RIC3: variants seen among roughly 807,000 people sequenced by gnomAD.
The protein encoded by RIC3 is RIC3 acetylcholine receptor chaperone.
RIC3 carries 28 observed loss-of-function variants against 27.3 expected under a neutral mutation model. That is an observed-to-expected ratio of 1.02 (90% CI 0.76 to 1.41). RIC3 has a LOEUF of 1.41. Ranked by LOEUF, RIC3 falls within the 40% of genes most tolerant of loss-of-function variation. RIC3 has a pLI of 0.00. For missense variants in RIC3, 501 were observed against 444.7 expected, an observed-to-expected ratio of 1.13 and a Z score of -1.14; for synonymous variants, 184 against 160.4, an observed-to-expected ratio of 1.15 and a Z score of -1.11.
chr11:8,141,038 A>C (rs374522073), intron 1 of RIC3, among the ~76,000 whole-genome samples: 1 of 149,898 alleles, frequency 6.7e-6, no homozygotes, highest in South Asian at 2.2e-4. Context: ...GAAGCGCTAA[A>C]CATGGAAAGG....
intron 1 of RIC3, among the ~76,000 whole-genome samples, chr11:8,153,078 T>C (rs1950378492): frequency 1.3e-5 from 2 of 152,208 alleles, no homozygotes; most frequent in African/African-American, 2.4e-5. Context: ...ATTAAGGTTA[T>C]TGATAACATC....
At chr11:8,130,677 T>C (rs1947582608) in intron 4 of RIC3, among the ~76,000 whole-genome samples, 2 of 152,160 alleles carry the variant, frequency 1.3e-5, no homozygotes, top group African/African-American at 2.4e-5. Flanking sequence ...AGTCACTCTA[T>C]ATATTACTGT....
At chr11:8,140,804 T>C (rs1260497035) in intron 1 of RIC3, among the ~76,000 whole-genome samples, 1 of 152,064 alleles carries the variant, frequency 6.6e-6, no homozygotes, top group African/African-American at 2.4e-5. Context: ...CTAATACAGA[T>C]AAGAAAATAC....
the RIC3 span, among the ~76,000 whole-genome samples, chr11:8,098,531 G>A: frequency 6.6e-6 from 1 of 152,134 alleles, no homozygotes; most frequent in African/African-American, 2.4e-5. Flanking sequence ...TCCCTGAATT[G>A]CTCTCACTGA....
chr11:8,132,413 G>T (rs923357255), intron 4 of RIC3, among the ~76,000 whole-genome samples: 5 of 152,116 alleles, frequency 3.3e-5, no homozygotes, highest in Non-Finnish European at 7.3e-5. Flanking sequence ...GTGTTGTGGG[G>T]GAAGAGAGGA....
chr11:8,102,687 A>T (rs895714643), downstream of RIC3: 3 of 152,040 alleles, frequency 2.0e-5, no homozygotes, highest in African/African-American at 7.2e-5. Context: ...CTTGGGAGGG[A>T]ATGGGACAGG....
chr11:8,121,879 T>TA (rs1946498375), intron 5 of RIC3, among the ~76,000 whole-genome samples: 1 of 152,186 alleles, frequency 6.6e-6, no homozygotes, highest in Non-Finnish European at 1.5e-5. Context: ...GTGTTGCTTT[T>TA]AAAAAAATTA....
downstream of RIC3, chr11:8,101,098 A>T (rs1276703294): frequency 1.4e-6 from 2 of 1,394,998 alleles, no homozygotes; most frequent in Non-Finnish European, 2.0e-6. Context: ...CTAGAGTTTA[A>T]GAATGTGAGC....
chr11:8,129,242 C>CT (rs977782511), intron 4 of RIC3, among the ~76,000 whole-genome samples: 2 of 151,944 alleles, frequency 1.3e-5, no homozygotes, highest in Non-Finnish European at 2.9e-5. Context: ...TCCTGACTCA[C>CT]TTTTTTCCAC....
At chr11:8,161,058 G>C (rs913423166) in intron 1 of RIC3, among the ~76,000 whole-genome samples, 4 of 152,190 alleles carry the variant, frequency 2.6e-5, no homozygotes, top group Non-Finnish European at 5.9e-5. Context: ...GGGGAAAAGT[G>C]AGCTGGAGGG....
intron 1 of RIC3, among the ~76,000 whole-genome samples, chr11:8,148,172 A>G (rs1949901859): frequency 6.6e-6 from 1 of 152,152 alleles, no homozygotes; most frequent in Non-Finnish European, 1.5e-5. Context: ...TTTTCCTCTC[A>G]GTATTGACTT....
rs114389450 is a variant in RIC3 at position 8,122,632 on chromosome 11, G to A, written c.670+4027C>T. On this transcript the variant is annotated intron_variant, in intron 5 of 5. Coordinates refer to ENST00000309737, the MANE Select transcript of RIC3 (RefSeq NM_001206671.4). ...GAACAACCCAAATGTTCCTCAACTG[G>A]TGAATGGACAAATTATGGTATAAGC... 3.0e-3 allele frequency among the ~76,000 whole-genome samples: 452 copies of A among 152,214 alleles called. 2 individuals carry two copies. Among genetic ancestry groups the A allele is most frequent in the African/African-American group, 0.01 (426 of 41,536 alleles).
chr11:8,141,979 G>A (rs1034480864), intron 1 of RIC3, among the ~76,000 whole-genome samples: 137 of 151,172 alleles, frequency 9.1e-4, no homozygotes, highest in Admixed American at 2.1e-3. Context: ...TGAAACCAAC[G>A]AGAACAAAGA....
At chr11:8,115,979 G>GGGAA (rs1226444372) in intron 5 of RIC3, among the ~76,000 whole-genome samples, 1 of 152,166 alleles carries the variant, frequency 6.6e-6, no homozygotes, top group African/African-American at 2.4e-5. Flanking sequence ...AGGCATCACA[G>GGGAA]TACCTGATTC....
Position 8,138,101 on chromosome 11 carries a change from C to A in RIC3, c.427+171G>T, listed in dbSNP as rs115023882. Among the ~76,000 whole-genome samples, 923 of 152,188 alleles carry A rather than the reference C, an allele frequency of 6.1e-3. 13 individuals are homozygous for A. The highest frequency in any genetic ancestry group is 0.021 in the African/African-American group (868 of 41,522). On this transcript the variant is annotated intron_variant, in intron 3 of 5. Coordinates refer to ENST00000309737, the MANE Select transcript of RIC3 (RefSeq NM_001206671.4). ...TGGTGGTTTTGTACTTTTTGTAGTA[C>A]ATCAATATAAAAACTTTTGAGAATT...
downstream of RIC3, chr11:8,105,817 G>A (rs1475373444): frequency 1.3e-5 from 2 of 152,032 alleles, no homozygotes; most frequent in Non-Finnish European, 1.5e-5. Flanking sequence ...CCCTAGCAAG[G>A]TCCAGGCAAA....
chr11:8,146,645 G>A (rs537484755), intron 1 of RIC3, among the ~76,000 whole-genome samples: 16 of 152,190 alleles, frequency 1.1e-4, no homozygotes, highest in Non-Finnish European at 2.2e-4. Context: ...GGTGCAGCTT[G>A]GTTTTACACA....
intron 5 of RIC3, among the ~76,000 whole-genome samples, chr11:8,119,547 A>G (rs1293359069): frequency 6.6e-6 from 1 of 152,248 alleles, no homozygotes; most frequent in East Asian, 1.9e-4. Flanking sequence ...AATTAATTCA[A>G]GATGGATTAA....
chr11:8,138,086 G>T (rs1205670832), intron 3 of RIC3, among the ~76,000 whole-genome samples, 186 bp downstream of exon 3: 1 of 152,138 alleles, frequency 6.6e-6, no homozygotes, highest in African/African-American at 2.4e-5. Flanking sequence ...TGGTGGTTTT[G>T]TACTTTTTGT....
Sources: gnomAD v4.1 joint callset for allele counts (sites outside exome capture counted in the v4.1 genomes callset) on GRCh38, gnomAD v4.1.1 for gene constraint, MANE v1.5 for transcripts, NCBI Gene and HGNC (gene_info 2026-07-23, HGNC 2026-07-21) for gene names.